NEB: variants seen among roughly 807,000 people sequenced by gnomAD.
The protein encoded by NEB is nebulin.
Under a neutral mutation model 952.2 loss-of-function variants are expected in NEB, and 512 were observed. The ratio of observed to expected loss-of-function variants is 0.54; its 90% CI spans 0.50 to 0.58. The LOEUF (loss-of-function observed/expected upper bound fraction) is 0.58, where lower values mean the gene tolerates loss of function less well. Ranked by LOEUF, NEB falls within the 20% of genes least tolerant of loss-of-function variation. The pLI, the probability that NEB is intolerant of heterozygous loss-of-function variation, is 0.00. For synonymous variants in NEB, 2,900 were observed against 3,149.8 expected (o/e 0.92, Z 2.66); for missense variants, 8,428 against 9,231.1 (o/e 0.91, Z 3.56).
chr2:151,684,749 G>C (rs2099478205), intron 28 of NEB, 29 bp downstream of exon 28: 1 of 1,512,232 alleles, frequency 6.6e-7, no homozygotes, highest in East Asian at 2.3e-5. Flanking sequence ...CTTTTTAAAA[G>C]AGGGGCTACA....
At chr2:151,495,858 AC>A in intron 173 of NEB, among the ~76,000 whole-genome samples, 1 of 152,292 alleles carries the variant, frequency 6.6e-6, no homozygotes, top group East Asian at 1.9e-4. Flanking sequence ...TCCAAATCTG[AC>A]AGGGTAAATT....
chr2:151,505,768 GTCTC>G (rs1033101839), intron 164 of NEB, among the ~76,000 whole-genome samples, 198 bp from the exon 165 acceptor site: 1 of 152,132 alleles, frequency 6.6e-6, no homozygotes, highest in African/African-American at 2.4e-5. Flanking sequence ...GGGACGCTTT[GTCTC>G]TCTCTCGTCT....
At chr2:151,668,069 T>C (rs2099242501) in intron 39 of NEB, among the ~76,000 whole-genome samples, 158 bp from the exon 40 acceptor site, 1 of 152,220 alleles carries the variant, frequency 6.6e-6, no homozygotes, top group Non-Finnish European at 1.5e-5. Context: ...ATGTATATAA[T>C]TGATTTTATT....
At chr2:151,531,704 C>T (rs1033610751) in intron 144 of NEB, 88 bp downstream of exon 144, 2 of 1,020,602 alleles carry the variant, frequency 2.0e-6, no homozygotes, top group African/African-American at 1.6e-5. Context: ...GCAGTAGTCT[C>T]CCAGACTTTG....
Position 151,724,933 on chromosome 2 carries a change from G to C in NEB, c.431C>G (p.Ala144Gly). ...EVKYRMDGDV[A>G]KTICHVDEKA... ...TTCATCTACGTGACATATAGTCTTA[G>C]CAACATCACCATCCATTCGATACTT... Residue 144 changes from alanine to glycine, a missense_variant, in exon 7 of 182, where the codon GCT (alanine) becomes GGT (glycine). Physicochemically the swap from Ala to Gly is moderately conservative, Grantham distance 60 (BLOSUM62 0). This residue lies in a region of NEB where 2,851 missense variants were observed against 2,791.5 expected (regional missense o/e 1.02). Transcript: ENST00000397345. 6.2e-7 allele frequency: 1 copy of C among 1,613,738 alleles called. No individual in the cohort carries two copies. The highest frequency in any genetic ancestry group is 2.2e-5 in the East Asian group (1 of 44,886).
At position 151,629,662 on chromosome 2, in the gene NEB, C is replaced by G. The variant is rs763825507; in HGVS notation, c.9724-16G>C. 4 of 1,601,914 alleles carry G rather than the reference C, an allele frequency of 2.5e-6. No individual in the cohort carries two copies. In the African/African-American group the frequency reaches 4.0e-5, roughly 16 times the overall value. The stretch of plus-strand genomic sequence containing the variant: ...TGTATAGAGTCTATGAAAAGAAAGG[C>G]AAAGAGTTAAAGCAAAAGGTTTGAC... On this transcript the variant is annotated splice_polypyrimidine_tract_variant and intron_variant, in intron 67 of 181. Transcript: ENST00000397345.
At chr2:151,731,548 A>T (rs991513745) in intron 3 of NEB, among the ~76,000 whole-genome samples, 1 of 152,156 alleles carries the variant, frequency 6.6e-6, no homozygotes, top group African/African-American at 2.4e-5. Flanking sequence ...GGTCAAAGAG[A>T]TCTCAGTTCA....
At position 151,565,876 on chromosome 2, in the gene NEB, C is replaced by G. The variant is rs2096351730; in HGVS notation, c.18157-56G>C. 4.1e-6 allele frequency: 5 copies of G among 1,228,446 alleles called. No homozygotes were observed. The Admixed American group carries it at 8.3e-5, about 20-fold the overall frequency. The allele number at this position is 1,228,446 out of a possible 1,614,324, so 76.1% of individuals were successfully genotyped here. On this transcript the variant is annotated intron_variant, in intron 114 of 181. Coordinates refer to ENST00000397345, the MANE Select transcript of NEB (RefSeq NM_001164508.2). ...AATAAATGACTGAGACACAGGCTTA[C>G]AGAGGGCAGGTTACAATTTTTTCAG... is the stretch of plus-strand genomic sequence containing the variant.
At chr2:151,698,488 CA>C (rs1459377932) in intron 13 of NEB, among the ~76,000 whole-genome samples, 1 of 152,028 alleles carries the variant, frequency 6.6e-6, no homozygotes, top group Non-Finnish European at 1.5e-5. Context: ...ATTATTTGTG[CA>C]ACATTGTAAA....
Position 151,540,443 on chromosome 2 carries a change from C to A in NEB, c.20793G>T (p.Lys6931Asn), listed in dbSNP as rs1296064633. 2 of 1,556,304 alleles carry A rather than the reference C, an allele frequency of 1.3e-6. No individual in the cohort carries two copies. The highest frequency in any genetic ancestry group is 1.2e-5 in the South Asian group (1 of 84,620). The change falls in exon 138 of 182, where the codon AAG (lysine) becomes AAT (asparagine). Residue 6931 changes from lysine to asparagine, a missense_variant. By Grantham distance (94) the Lys-to-Asn change is moderately conservative. This residue lies in a region of NEB where 3,374 missense variants were observed against 3,651.5 expected (regional missense o/e 0.92). Transcript: ENST00000397345. ...KDVKDMVSEK[K>N]YKIQYEKMKD... ...TCATCTTTTCATATTGAATCTTGTA[C>A]TTTTTCTGAGAAATAAATGCAGAAG... is the stretch of plus-strand genomic sequence containing the variant.
chr2:151,721,103 T>C (rs561512571), intron 9 of NEB, among the ~76,000 whole-genome samples: 1 of 152,298 alleles, frequency 6.6e-6, no homozygotes, highest in South Asian at 2.1e-4. Context: ...ATGCCATTCA[T>C]GCCTATTAAT....
intron 20 of NEB, among the ~76,000 whole-genome samples, chr2:151,693,986 TG>T (rs2149244009): frequency 6.6e-6 from 1 of 152,332 alleles, no homozygotes; most frequent in East Asian, 1.9e-4. Flanking sequence ...TTCAGGGCAT[TG>T]GGTGAATATA....
At chr2:151,488,611 A>T (rs2053280389) in intron 181 of NEB, among the ~76,000 whole-genome samples, 1 of 152,090 alleles carries the variant, frequency 6.6e-6, no homozygotes, top group South Asian at 2.1e-4. Flanking sequence ...ATGCCACCAC[A>T]CTGCAGCCTG....
chr2:151,524,573 G>C lies in NEB; in HGVS notation c.22316C>G (p.Thr7439Arg), dbSNP rs1405248128. ...CTTGATGTCTGGTCGATCAGCCACT[G>C]TGGTGTAATGCAGGTTCTCTTTGGC... ...KDAKENLHYTTVADRPDIKKA... is the reference protein window; with the variant it reads ...KDAKENLHYTRVADRPDIKKA... Residue 7439 changes from threonine (T) to arginine (R), a missense_variant, in exon 152 of 182, where the codon ACA becomes AGA. Coordinates refer to ENST00000397345, the MANE Select transcript of NEB (RefSeq NM_001164508.2). The C allele has an allele frequency of 1.2e-6, 2 of 1,607,730 alleles. No homozygotes were observed. Among genetic ancestry groups the C allele is most frequent in the Admixed American group, 1.7e-5 (1 of 59,558 alleles).
At chr2:151,708,950 G>A (rs2099735515) in intron 12 of NEB, among the ~76,000 whole-genome samples, 2 of 152,212 alleles carry the variant, frequency 1.3e-5, no homozygotes, top group South Asian at 4.1e-4. Flanking sequence ...CGTCTTACAC[G>A]TGGATGCTGT....
At chr2:151,518,450 A>G (rs1484414699) in intron 155 of NEB, 28 bp from the exon 156 acceptor site, 2 of 1,350,420 alleles carry the variant, frequency 1.5e-6, no homozygotes, top group African/African-American at 2.9e-5. Context: ...AAAAAGGCAC[A>G]TTGATGGAGA....
At chr2:151,706,182 A>T (rs1217434505) in intron 13 of NEB, among the ~76,000 whole-genome samples, 1 of 152,216 alleles carries the variant, frequency 6.6e-6, no homozygotes, top group Non-Finnish European at 1.5e-5. Flanking sequence ...CCTGCTCCCC[A>T]ACCACACACA....
chr2:151,569,859 T>C (rs988268894), intron 109 of NEB, among the ~76,000 whole-genome samples: 1 of 152,258 alleles, frequency 6.6e-6, no homozygotes, highest in African/African-American at 2.4e-5. Context: ...TTTAATCTGA[T>C]ACAATTAAGA....
chr2:151,660,480 A>T (rs975880290), intron 46 of NEB, among the ~76,000 whole-genome samples: 1 of 152,246 alleles, frequency 6.6e-6, no homozygotes, highest in Non-Finnish European at 1.5e-5. Flanking sequence ...TTGCTTTAAC[A>T]GAAACTCCCT....
Sources: allele counts gnomAD v4.1 joint callset (sites outside exome capture counted in the v4.1 genomes callset), GRCh38; gene constraint gnomAD v4.1.1; regional missense constraint gnomAD v4.1.1; transcripts MANE v1.5; gene names NCBI Gene and HGNC (gene_info 2026-07-23, HGNC 2026-07-21).